Variants in CSPP1 observed in about 807,000 individuals in gnomAD.
CSPP1 encodes centrosome and spindle pole-associated protein 1.
A neutral mutation model predicts 164.4 loss-of-function variants in CSPP1; 126 were observed. The observed-to-expected ratio is 0.77, with a 90% CI of 0.66 to 0.89. The LOEUF (loss-of-function observed/expected upper bound fraction) is 0.89. CSPP1 is among the 40% of genes least tolerant of loss of function. The probability of loss-of-function intolerance (pLI) is 0.00; values close to 1 mark genes in which losing one functional copy is unlikely to be tolerated. For synonymous variants in CSPP1, 472 were observed against 476.7 expected (o/e 0.99, Z 0.13); for missense variants, 1,395 against 1,449.8 (o/e 0.96, Z 0.61).
At chr8:67,086,368 T>C in intron 4 of CSPP1, 1 of 478,488 alleles carries the variant, frequency 2.1e-6, no homozygotes, top group South Asian at 2.0e-5. Flanking sequence ...AGATCGTTAA[T>C]TATGGTTTTT....
intron 24 of CSPP1, among the ~76,000 whole-genome samples, chr8:67,171,973 G>C (rs1443194626): frequency 6.6e-6 from 1 of 151,796 alleles, no homozygotes; most frequent in South Asian, 2.1e-4. Context: ...TCAGCCTCCC[G>C]AGTAGCTGGG....
intron 3 of CSPP1, among the ~76,000 whole-genome samples, chr8:67,080,510 G>A (rs575770012): frequency 3.2e-4 from 48 of 152,304 alleles, no homozygotes; most frequent in Admixed American, 8.5e-4. Flanking sequence ...CAGCTACCTG[G>A]AGTTGGACCA....
chr8:67,109,189 T>C (rs1816306226), intron 9 of CSPP1, among the ~76,000 whole-genome samples: 1 of 152,196 alleles, frequency 6.6e-6, no homozygotes, highest in Non-Finnish European at 1.5e-5. Context: ...TCCTCTAAGC[T>C]AATTCAGGTT....
chr8:67,184,947 A>C (rs1197725567), intron 28 of CSPP1, among the ~76,000 whole-genome samples: 1 of 123,342 alleles, frequency 8.1e-6, no homozygotes, highest in Non-Finnish European at 1.6e-5. Flanking sequence ...AAAATACAAA[A>C]AAAAAAAAAA....
At chr8:67,176,864 G>T (rs1831778203) in intron 26 of CSPP1, among the ~76,000 whole-genome samples, 1 of 152,052 alleles carries the variant, frequency 6.6e-6, no homozygotes, top group African/African-American at 2.4e-5. Context: ...GAGGTCAGGA[G>T]TTCAAGACCA....
chr8:67,090,116 C>T lies in CSPP1; in HGVS notation c.304-1687C>T, dbSNP rs935012181. Among the ~76,000 whole-genome samples the T allele has an allele frequency of 2.0e-5, 3 of 152,038 alleles. No individual in the cohort carries two copies. The East Asian group carries it at 5.8e-4, about 29-fold the overall frequency. ...GGTTTTTCATGCATTTATAACTCTA[C>T]AAAATAATTAGGTTTATAGTGTACT... is the stretch of plus-strand genomic sequence containing the variant. On this transcript the variant is annotated intron_variant, in intron 4 of 30. Coordinates refer to ENST00000678616, the MANE Select transcript of CSPP1 (RefSeq NM_001382391.1).
intron 3 of CSPP1, chr8:67,083,548 A>AAATATATATAT (rs1332248754): frequency 4.4e-5 from 4 of 91,486 alleles, no homozygotes; most frequent in Admixed American, 1.4e-4. Flanking sequence ...AAAAAAAAAA[A>AAATATATATAT]ATATATATAT....
chr8:67,069,327 C>G (rs1806232186), intron 1 of CSPP1: 1 of 151,942 alleles, frequency 6.6e-6, no homozygotes, highest in African/African-American at 2.4e-5. Context: ...ACTTATATCT[C>G]GGATAAATCT....
chr8:67,167,290 A>T (rs576921595), intron 24 of CSPP1, among the ~76,000 whole-genome samples: 4 of 151,972 alleles, frequency 2.6e-5, no homozygotes, highest in South Asian at 2.1e-4. Flanking sequence ...CACTTCCCAG[A>T]AGGGGCGGCC....
At chr8:67,074,645 G>C (rs184733653) in intron 2 of CSPP1, among the ~76,000 whole-genome samples, 1 of 152,128 alleles carries the variant, frequency 6.6e-6, no homozygotes, top group Non-Finnish European at 1.5e-5. Context: ...AAACAGAATA[G>C]TTGTAAAAGC....
chr8:67,167,466 G>A lies in CSPP1; in HGVS notation c.2828+2958G>A, dbSNP rs533336908. ...CTGCCCCCCACCTCCCGGATGGGGC[G>A]GCTGCTGGGCGGAGGGGCTCCTCAC... is the stretch of plus-strand genomic sequence containing the variant. On this transcript the variant is annotated intron_variant, in intron 24 of 30. Transcript: ENST00000678616. Among the ~76,000 whole-genome samples the A allele has an allele frequency of 1.6e-3, 237 of 151,980 alleles. 2 individuals are homozygous for A. Among genetic ancestry groups the A allele is most frequent in the Non-Finnish European group, 2.7e-3 (184 of 67,912 alleles).
Position 67,112,047 on chromosome 8 carries a change from A to G in CSPP1, c.1169A>G (p.Gln390Arg), listed in dbSNP as rs1188598867. Residue 390 changes from glutamine to arginine, a missense_variant, in exon 10 of 31, where the codon CAA becomes CGA. Transcript: ENST00000678616. ...GAACTGTTGGAACAAATGGCTGAGC[A>G]ACAGAGGAACAAGAGACGGTAATGA... ...RLELLEQMAEQQRNKRREKDL... is the reference protein window; with the variant it reads ...RLELLEQMAERQRNKRREKDL... 1 of 1,610,920 alleles carries G rather than the reference A, an allele frequency of 6.2e-7. No homozygotes were observed. The highest frequency in any genetic ancestry group is 2.2e-5 in the East Asian group (1 of 44,690).
chr8:67,091,229 G>A (rs1156753932), intron 4 of CSPP1, among the ~76,000 whole-genome samples: 1 of 152,206 alleles, frequency 6.6e-6, no homozygotes, highest in Non-Finnish European at 1.5e-5. Flanking sequence ...TGGGCTAGTT[G>A]TAGATCCTAG....
intron 3 of CSPP1, chr8:67,080,907 A>G (rs1809017556): frequency 6.6e-6 from 1 of 152,072 alleles, no homozygotes; most frequent in Non-Finnish European, 1.5e-5. Context: ...CAGAGTTTTT[A>G]CTGGATTTTC....
intron 15 of CSPP1, among the ~76,000 whole-genome samples, chr8:67,125,563 G>A (rs1438285626): frequency 6.6e-6 from 1 of 151,922 alleles, no homozygotes; most frequent in East Asian, 1.9e-4. Context: ...TTCTCTTCCT[G>A]AGACCCCCAT....
intron 15 of CSPP1, among the ~76,000 whole-genome samples, chr8:67,130,913 G>C (rs774261549): frequency 1.3e-5 from 2 of 152,084 alleles, no homozygotes; most frequent in Non-Finnish European, 2.9e-5. Flanking sequence ...GCTTAAACCC[G>C]GGAGGCGGAT....
chr8:67,141,388 G>A lies in CSPP1; in HGVS notation c.1975+3785G>A, dbSNP rs190633159. On this transcript the variant is annotated intron_variant, in intron 17 of 30. Coordinates refer to ENST00000678616, the MANE Select transcript of CSPP1 (RefSeq NM_001382391.1). ...ATGTTTAGTTGGCTTATTTAATGCC[G>A]TCTTCATGCCATGAAATAGAAAAGG... 2.0e-3 allele frequency among the ~76,000 whole-genome samples: 298 copies of A among 152,192 alleles called. 4 individuals are homozygous for A. Among genetic ancestry groups the A allele is most frequent in the African/African-American group, 6.6e-3 (275 of 41,548 alleles).
intron 2 of CSPP1, among the ~76,000 whole-genome samples, chr8:67,075,934 A>G (rs778584182): frequency 5.9e-5 from 9 of 152,186 alleles, no homozygotes; most frequent in Non-Finnish European, 1.0e-4. Context: ...TTGGAGTTAC[A>G]TGATTTGGAG....
At chr8:67,109,655 A>G (rs540225231) in intron 9 of CSPP1, among the ~76,000 whole-genome samples, 11 of 152,240 alleles carry the variant, frequency 7.2e-5, no homozygotes, top group South Asian at 2.1e-4. Flanking sequence ...TAATGTTGCA[A>G]TCTCACACAT....
Sources: gnomAD v4.1 joint callset for allele counts (sites outside exome capture counted in the v4.1 genomes callset) on GRCh38, gnomAD v4.1.1 for gene constraint, MANE v1.5 for transcripts, NCBI Gene and HGNC (gene_info 2026-07-23, HGNC 2026-07-21) for gene names.